The following RAB3GAP2 variants were observed in gnomAD, a reference collection of about 807,000 sequenced individuals.
RAB3GAP2 encodes the protein rab3 GTPase-activating protein non-catalytic subunit.
RAB3GAP2 carries 87 observed loss-of-function variants against 185.3 expected under a neutral mutation model. The ratio of observed to expected loss-of-function variants is 0.47; its 90% confidence interval spans 0.39 to 0.56. RAB3GAP2 has a LOEUF of 0.56. Ranked by LOEUF, RAB3GAP2 falls within the 20% of genes least tolerant of loss-of-function variation. The pLI, the probability that RAB3GAP2 is intolerant of heterozygous loss-of-function variation, is 0.00. For missense variants in RAB3GAP2, 1,492 were observed against 1,638.2 expected, an observed-to-expected ratio of 0.91 and a Z score of 1.54; for synonymous variants, 554 against 576.1, an observed-to-expected ratio of 0.96 and a Z score of 0.55.
At chr1:220,198,554 T>G (rs1658772912) in intron 9 of RAB3GAP2, among the ~76,000 whole-genome samples, 1 of 150,816 alleles carries the variant, frequency 6.6e-6, no homozygotes, top group Non-Finnish European at 1.5e-5. Flanking sequence ...TTTCATTAAC[T>G]TAAGGTGGTA....
Position 220,159,435 on chromosome 1 carries a change from A to G in RAB3GAP2, c.3226-14T>C. On this transcript the variant is annotated splice_polypyrimidine_tract_variant and intron_variant, in intron 28 of 34. Transcript: ENST00000358951. ...TGATTTTCCAACCTAAAATAAAAAG[A>G]TAAAATGTTGTAACATTTAATAATT... 1 of 1,574,042 alleles carries G rather than the reference A, an allele frequency of 6.4e-7. No homozygotes were observed. Among genetic ancestry groups the G allele is most frequent in the Non-Finnish European group, 8.7e-7 (1 of 1,144,994 alleles).
chr1:220,243,204 A>G (rs1659730581), intron 1 of RAB3GAP2, among the ~76,000 whole-genome samples: 1 of 152,038 alleles, frequency 6.6e-6, no homozygotes, highest in African/African-American at 2.4e-5. Flanking sequence ...AATACAAAAA[A>G]TTAGCCGGGT....
rs1657736893 is a variant in RAB3GAP2, at chr1:220,150,793, A to G, written c.*458T>C. ...CCCAGTGTGGGATTTGGAGCATGAC[A>G]ACAAAGGCATTTTCTCAACATTTAC... On this transcript the variant is annotated 3_prime_UTR_variant, in exon 35 of 35. Transcript: ENST00000358951. 1.3e-5 allele frequency: 2 copies of G among 158,518 alleles called. No individual in the cohort carries two copies. The highest frequency in any genetic ancestry group is 2.8e-5 in the Non-Finnish European group (2 of 72,586). The allele number at this position is 158,518 out of a possible 1,614,324, so 9.8% of individuals were successfully genotyped here.
At position 220,182,876 on chromosome 1, in the gene RAB3GAP2, A is replaced by G; in HGVS notation, c.2054T>C (p.Leu685Ser). The change falls in exon 20 of 35, where the codon TTA becomes TCA. Residue 685 changes from leucine (L) to serine (S), a missense_variant. By Grantham distance (145) the Leu-to-Ser change is moderately radical. Coordinates refer to ENST00000358951, the MANE Select transcript of RAB3GAP2 (RefSeq NM_012414.4). ...DEKELLKLQALLEKYKQENTR... is the reference protein window; with the variant it reads ...DEKELLKLQASLEKYKQENTR... ...GTTCTCTTGCTTATATTTCTCTAGT[A>G]ATGCCTGGAGCTTAAGCAGTTCTTT... The G allele has an allele frequency of 1.2e-6, 2 of 1,613,568 alleles. No homozygotes were observed. Among genetic ancestry groups the G allele is most frequent in the Non-Finnish European group, 1.7e-6 (2 of 1,179,738 alleles).
At chr1:220,256,468 G>C (rs907935408) in intron 1 of RAB3GAP2, among the ~76,000 whole-genome samples, 1 of 152,132 alleles carries the variant, frequency 6.6e-6, no homozygotes, top group Non-Finnish European at 1.5e-5. Flanking sequence ...TGTCAAGCTG[G>C]ATAAAGACGC....
intron 31 of RAB3GAP2, among the ~76,000 whole-genome samples, chr1:220,154,770 G>A (rs922957039): frequency 6.7e-6 from 1 of 148,352 alleles, no homozygotes; most frequent in African/African-American, 2.5e-5. Flanking sequence ...GCCTAGGCTG[G>A]AGTACAGTGG....
intron 20 of RAB3GAP2, 121 bp from the exon 21 acceptor site, chr1:220,182,475 T>C (rs559247723): frequency 6.6e-7 from 1 of 1,511,952 alleles, no homozygotes; most frequent in South Asian, 1.3e-5. Flanking sequence ...GAGAAATTAA[T>C]TGTTCAATTT....
At chr1:220,272,061 C>G (rs1247620437) in intron 1 of RAB3GAP2, among the ~76,000 whole-genome samples, 162 bp downstream of exon 1, 2 of 151,584 alleles carry the variant, frequency 1.3e-5, no homozygotes, top group Non-Finnish European at 2.9e-5. Context: ...GGCTTCAGGA[C>G]GAGGTGGGCA....
chr1:220,204,954 G>A (rs548600224), intron 8 of RAB3GAP2, among the ~76,000 whole-genome samples: 16 of 151,970 alleles, frequency 1.1e-4, no homozygotes, highest in Admixed American at 9.8e-4. Flanking sequence ...TGGTGTATAT[G>A]TGCCATATTT....
chr1:220,193,365 T>C lies in RAB3GAP2; in HGVS notation c.1145A>G (p.Asp382Gly). 6.2e-7 allele frequency: 1 copy of C among 1,613,848 alleles called. No homozygotes were observed. Among genetic ancestry groups the C allele is most frequent in the Admixed American group, 1.7e-5 (1 of 59,994 alleles). Residue 382 changes from aspartate (D) to glycine (G), a missense_variant, in exon 13 of 35, where the codon GAT (aspartate) becomes GGT (glycine). By Grantham distance (94) the Asp-to-Gly change is moderately conservative. Transcript: ENST00000358951. ...TPLAVRFGLP[D>G]SRRHGESICL... ...TATGCTTTCACCATGGCGTCTAGAA[T>C]CTGGAAGTCCAAATCTGATATTTAA...
chr1:220,196,224 C>G lies in RAB3GAP2; in HGVS notation c.960+26G>C, dbSNP rs754965718. On this transcript the variant is annotated intron_variant, in intron 10 of 34. Coordinates refer to ENST00000358951, the MANE Select transcript of RAB3GAP2 (RefSeq NM_012414.4). ...AATTGTAAAATCAAGAGCAGCCTTA[C>G]TCATGATCATTGATAAAACTCATAC... 4 of 1,608,242 alleles carry G rather than the reference C, an allele frequency of 2.5e-6. No individual in the cohort carries two copies. The South Asian group carries it at 4.4e-5, about 18-fold the overall frequency.
intron 14 of RAB3GAP2, 36 bp downstream of exon 14, chr1:220,191,032 T>C: frequency 6.5e-7 from 1 of 1,549,636 alleles, no homozygotes; most frequent in South Asian, 1.1e-5. Context: ...TATATTTCAT[T>C]TTGTAACCAG....
chr1:220,207,120 T>C (rs963721945), intron 7 of RAB3GAP2, among the ~76,000 whole-genome samples: 10 of 152,248 alleles, frequency 6.6e-5, no homozygotes, highest in Admixed American at 3.3e-4. Context: ...TGAATTAACA[T>C]ATTTTCATCA....
At chr1:220,170,635 C>T (rs1338001959) in intron 24 of RAB3GAP2, among the ~76,000 whole-genome samples, 1 of 152,114 alleles carries the variant, frequency 6.6e-6, no homozygotes, top group South Asian at 2.1e-4. Context: ...AAGGAGGACT[C>T]CTGAGGTCCT....
intron 20 of RAB3GAP2, 60 bp downstream of exon 20, chr1:220,182,658 C>T: frequency 7.6e-7 from 1 of 1,324,266 alleles, no homozygotes; most frequent in Non-Finnish European, 1.0e-6. Context: ...GCTATATGTT[C>T]CTACCATGTT....
chr1:220,249,274 C>G (rs1206490851), intron 1 of RAB3GAP2, among the ~76,000 whole-genome samples: 1 of 152,012 alleles, frequency 6.6e-6, no homozygotes, highest in Admixed American at 6.6e-5. Context: ...TGGCTTTTAC[C>G]AAAATGGTGA....
chr1:220,157,880 T>C lies in RAB3GAP2; in HGVS notation c.3262-4A>G, dbSNP rs1025620487. 1.2e-6 allele frequency: 2 copies of C among 1,611,758 alleles called. No homozygotes were observed. The highest frequency in any genetic ancestry group is 1.3e-5 in the African/African-American group (1 of 74,854). ...CTGTGTCACTCATTCCCACATCCTGTTTTTTAAAAAGGAACGTAATTAGGC... is the reference window on the plus strand; with the variant it reads ...CTGTGTCACTCATTCCCACATCCTGCTTTTTAAAAAGGAACGTAATTAGGC... On this transcript the variant is annotated splice_region_variant and splice_polypyrimidine_tract_variant and intron_variant, in intron 29 of 34. Transcript: ENST00000358951.
rs780059285 is a variant in RAB3GAP2 at position 220,190,371 on chromosome 1, C to A, written c.1631+6G>T. The A allele has an allele frequency of 5.6e-6, 9 of 1,613,958 alleles. No homozygotes were observed. Among genetic ancestry groups the A allele is most frequent in the Non-Finnish European group, 6.8e-6 (8 of 1,179,982 alleles). On this transcript the variant is annotated splice_donor_region_variant and intron_variant, in intron 15 of 34. Transcript: ENST00000358951. ...GCGTCAATCAGCAACACTGGACACA[C>A]CTTACCTCAGTGCTAAATGGAAGGG...
At chr1:220,165,276 G>A (rs991682126) in intron 26 of RAB3GAP2, among the ~76,000 whole-genome samples, 2 of 149,626 alleles carry the variant, frequency 1.3e-5, no homozygotes, top group South Asian at 4.3e-4. Context: ...TCTAGTGAGG[G>A]ACCTATATAA....
Sources: gnomAD v4.1 joint callset for allele counts (sites outside exome capture counted in the v4.1 genomes callset) on GRCh38, gnomAD v4.1.1 for gene constraint, MANE v1.5 for transcripts, NCBI Gene and HGNC (gene_info 2026-07-23, HGNC 2026-07-21) for gene names.